Variants in TCEA1 observed in about 807,000 individuals in gnomAD.
TCEA1 encodes transcription elongation factor A protein 1.
In TCEA1, 21 loss-of-function variants were observed where a neutral mutation model predicts 43.8. That is an observed-to-expected ratio of 0.48 (90% CI 0.34 to 0.69). The LOEUF (loss-of-function observed/expected upper bound fraction) is 0.69. Ranked by LOEUF, TCEA1 falls within the 30% of genes least tolerant of loss-of-function variation. The pLI, the probability that TCEA1 is intolerant of heterozygous loss-of-function variation, is 0.01. For synonymous variants in TCEA1, 104 were observed against 117.5 expected (o/e 0.88, Z 0.75); for missense variants, 250 against 365.1 (o/e 0.68, Z 2.57).
At chr8:53,984,310 C>A (rs957539579) in intron 7 of TCEA1, 53 bp downstream of exon 7, 12 of 1,502,742 alleles carry the variant, frequency 8.0e-6, no homozygotes, top group Non-Finnish European at 8.9e-6. Context: ...ATAGGCTTTA[C>A]ACTTCACAAC....
chr8:53,980,759 G>A (rs566523895), intron 7 of TCEA1, among the ~76,000 whole-genome samples: 3 of 152,238 alleles, frequency 2.0e-5, no homozygotes, highest in Non-Finnish European at 4.4e-5. Context: ...AGTATTCAAG[G>A]ACAAGGAAGA....
rs913905976 is a variant in TCEA1 at position 53,999,190 on chromosome 8, A to C, written c.232+755T>G. Among the ~76,000 whole-genome samples the C allele has an allele frequency of 1.2e-4, 17 of 141,214 alleles. No homozygotes were observed. The South Asian group carries it at 3.8e-3, about 31-fold the overall frequency. The allele number at this position is 141,214 out of a possible 152,430, so 92.6% of individuals were successfully genotyped here. On this transcript the variant is annotated intron_variant, in intron 3 of 9. Transcript: ENST00000521604. ...CAGTGAGCCGAGATTGCACCACTGC[A>C]CTCCAGCCTGGGCAACAGAGTGAGA...
intron 8 of TCEA1, among the ~76,000 whole-genome samples, chr8:53,977,792 A>G (rs1408232514): frequency 6.6e-6 from 1 of 152,154 alleles, no homozygotes; most frequent in Non-Finnish European, 1.5e-5. Context: ...GGCTAGTCAT[A>G]TCGTACATAA....
At chr8:53,988,366 A>G (rs1486167989) in intron 4 of TCEA1, 107 bp from the exon 5 acceptor site, 10 of 1,351,660 alleles carry the variant, frequency 7.4e-6, no homozygotes, top group Non-Finnish European at 3.0e-6. Context: ...AATAAATGAC[A>G]CAGTATCTCA....
chr8:54,004,815 C>A (rs1355547399), intron 2 of TCEA1, among the ~76,000 whole-genome samples: 2 of 151,876 alleles, frequency 1.3e-5, no homozygotes, highest in African/African-American at 4.8e-5. Context: ...GCTACGTTTA[C>A]TATCCTTTTA....
chr8:53,984,700 G>A (rs1257300849), intron 6 of TCEA1, among the ~76,000 whole-genome samples, 183 bp from the exon 7 acceptor site: 1 of 151,886 alleles, frequency 6.6e-6, no homozygotes, highest in Non-Finnish European at 1.5e-5. Context: ...CGGCTAACAT[G>A]ATGAAACCCC....
rs1803434030 is a variant in TCEA1, at chr8:53,979,277, T to G, written c.679-106A>C. The G allele has an allele frequency of 4.2e-6, 5 of 1,202,098 alleles. No individual in the cohort carries two copies. The South Asian group carries it at 1.2e-4, about 29-fold the overall frequency. 74.5% of individuals were successfully genotyped at this position (1,202,098 alleles called of 1,614,324 possible). A position where few individuals can be genotyped will look rare whatever the true frequency, so the allele number is the denominator to read the frequency against. Reference sequence around the variant, plus strand: ...ATAATAATAAAACCACATATCAACCTTTAAGGTTTTAAAAGCATTAAATTA... The same window carrying G: ...ATAATAATAAAACCACATATCAACCGTTAAGGTTTTAAAAGCATTAAATTA... On this transcript the variant is annotated intron_variant, in intron 7 of 9. Transcript: ENST00000521604.
chr8:53,975,239 GA>G (rs1398102162), intron 8 of TCEA1, among the ~76,000 whole-genome samples: 1 of 152,096 alleles, frequency 6.6e-6, no homozygotes, highest in African/African-American at 2.4e-5. Flanking sequence ...ACTATACACA[GA>G]AAAAAATTCA....
Position 53,966,765 on chromosome 8 carries a change from G to A in TCEA1, c.*1339C>T, listed in dbSNP as rs1378771992. The A allele has an allele frequency of 2.5e-5, 5 of 201,800 alleles. No individual in the cohort carries two copies. Among genetic ancestry groups the A allele is most frequent in the African/African-American group, 9.2e-5 (4 of 43,584 alleles). 12.5% of individuals were successfully genotyped at this position (201,800 alleles called of 1,614,324 possible). ...CGGACATTTAAAAATGCTGCTTTCT[G>A]TATTACAACAAAATGATATGCAATA... On this transcript the variant is annotated 3_prime_UTR_variant, in exon 10 of 10. Transcript: ENST00000521604.
At chr8:53,969,277 G>A (rs1803084130) in intron 9 of TCEA1, among the ~76,000 whole-genome samples, 1 of 152,104 alleles carries the variant, frequency 6.6e-6, no homozygotes, top group Non-Finnish European at 1.5e-5. Flanking sequence ...GCAACACAGT[G>A]AGGATCTATC....
intron 3 of TCEA1, among the ~76,000 whole-genome samples, chr8:53,999,047 T>C (rs192990145): frequency 6.6e-6 from 1 of 151,902 alleles, no homozygotes; most frequent in Non-Finnish European, 1.5e-5. Flanking sequence ...GCTAACACGG[T>C]GAAACCTCGT....
chr8:54,021,963 G>T, intron 1 of TCEA1, 100 bp downstream of exon 1: 2 of 1,197,650 alleles, frequency 1.7e-6, no homozygotes, highest in Non-Finnish European at 1.1e-6. Flanking sequence ...CAGACGGGAG[G>T]CTGCAGGGGG....
chr8:53,988,250 G>A lies in TCEA1; in HGVS notation c.330C>T (p.Ser110=), dbSNP rs762104105. The A allele has an allele frequency of 3.8e-5, 61 of 1,612,360 alleles. 1 individual carries two copies. In the Middle Eastern group the frequency reaches 5.0e-4, roughly 13 times the overall value. The change falls in exon 5 of 10, where the codon AGC becomes AGT. Residue 110 remains serine (S), a synonymous_variant. Transcript: ENST00000521604. ...SPEAREESTS[S]GNVSNRKDET... The stretch of plus-strand genomic sequence containing the variant: ...CATCCTTTCTGTTGCTTACATTGCC[G>A]CTGGAAGTACTGAAATACGCACAAA...
At chr8:53,983,528 G>A (rs937420397) in intron 7 of TCEA1, among the ~76,000 whole-genome samples, 1 of 152,122 alleles carries the variant, frequency 6.6e-6, no homozygotes, top group Non-Finnish European at 1.5e-5. Context: ...AGTGGCTCAC[G>A]CCTGTGATCC....
chr8:54,018,758 T>G (rs1804924437), intron 1 of TCEA1, among the ~76,000 whole-genome samples: 1 of 152,162 alleles, frequency 6.6e-6, no homozygotes, highest in African/African-American at 2.4e-5. Context: ...AGAACTAGGG[T>G]CAGGATATTG....
intron 2 of TCEA1, chr8:54,002,784 T>C (rs1804312881): frequency 4.1e-5 from 17 of 411,920 alleles, no homozygotes; most frequent in South Asian, 2.7e-4. Context: ...GCAGGACTAA[T>C]GAAAGCTTTC....
At chr8:54,008,735 G>C (rs1172033487) in intron 2 of TCEA1, among the ~76,000 whole-genome samples, 2 of 151,244 alleles carry the variant, frequency 1.3e-5, no homozygotes, top group Non-Finnish European at 2.9e-5. Context: ...GTGGTCAACA[G>C]GTATAAGAAA....
intron 1 of TCEA1, among the ~76,000 whole-genome samples, chr8:54,015,762 A>C (rs905718288): frequency 1.3e-5 from 2 of 152,188 alleles, no homozygotes; most frequent in Non-Finnish European, 2.9e-5. Context: ...CTTACAACTC[A>C]ATAATAAAAA....
intron 1 of TCEA1, among the ~76,000 whole-genome samples, chr8:54,018,023 T>A (rs1162948757): frequency 1.3e-5 from 2 of 152,346 alleles, no homozygotes; most frequent in African/African-American, 2.4e-5. Context: ...ACTTTAAGAA[T>A]GAATTTAATT....
Sources: gnomAD v4.1 joint callset for allele counts (sites outside exome capture counted in the v4.1 genomes callset) on GRCh38, gnomAD v4.1.1 for gene constraint, MANE v1.5 for transcripts, NCBI Gene and HGNC (gene_info 2026-07-23, HGNC 2026-07-21) for gene names.